Variants in GAS7 observed in about 807,000 individuals in gnomAD.
The protein encoded by GAS7 is growth arrest-specific protein 7.
A neutral mutation model predicts 71.1 loss-of-function variants in GAS7; 28 were observed. The ratio of observed to expected loss-of-function variants is 0.39; its 90% CI spans 0.29 to 0.54. The LOEUF (loss-of-function observed/expected upper bound fraction) is 0.54, where lower values mean the gene tolerates loss of function less well. Among genes scored for constraint, GAS7 ranks in the 20% least tolerant of loss-of-function variants. The pLI is 0.62. For missense variants in GAS7, 436 were observed against 627.8 expected (o/e 0.69, Z 3.27); for synonymous variants, 258 against 245.8 (o/e 1.05, Z -0.46).
At chr17:10,187,100 CACTGTCT>C (rs2074460525) in intron 1 of GAS7, among the ~76,000 whole-genome samples, 1 of 152,136 alleles carries the variant, frequency 6.6e-6, no homozygotes, top group African/African-American at 2.4e-5. Flanking sequence ...TGTATTTTTT[CACTGTCT>C]TAAAGTTAGG....
At chr17:10,087,280 A>G (rs1186445957) in intron 1 of GAS7, among the ~76,000 whole-genome samples, 1 of 152,240 alleles carries the variant, frequency 6.6e-6, no homozygotes, top group Non-Finnish European at 1.5e-5. Context: ...CACAATGACC[A>G]GATCACTGAT....
chr17:10,183,956 C>T (rs2142146197), intron 1 of GAS7, among the ~76,000 whole-genome samples: 1 of 152,272 alleles, frequency 6.6e-6, no homozygotes, highest in East Asian at 1.9e-4. Context: ...CTGCTGCCCC[C>T]ACCTCCCAGG....
intron 1 of GAS7, among the ~76,000 whole-genome samples, chr17:10,196,830 G>A (rs757625598): frequency 1.3e-5 from 2 of 152,170 alleles, no homozygotes; most frequent in African/African-American, 2.4e-5. Flanking sequence ...GAAGCAATAC[G>A]TTCGCTTTCT....
chr17:10,123,696 C>G (rs17687281), intron 1 of GAS7, among the ~76,000 whole-genome samples: 1 of 152,202 alleles, frequency 6.6e-6, no homozygotes, highest in Admixed American at 6.5e-5. Context: ...GCTTGCTCCC[C>G]CAACAAACGT....
rs549889588 is a variant in GAS7 at position 10,016,515 on chromosome 17, G to T, written c.304+3262C>A. ...GAGAGAGCCGAGCACGGTGGCTCATGCCTATAATCTCAGCACTTTGGGAAG... is the reference window on the plus strand; with the variant it reads ...GAGAGAGCCGAGCACGGTGGCTCATTCCTATAATCTCAGCACTTTGGGAAG... On this transcript the variant is annotated intron_variant, in intron 2 of 13. Transcript: ENST00000432992. Among the ~76,000 whole-genome samples, 56 of 146,310 alleles carry T rather than the reference G, an allele frequency of 3.8e-4. 1 individual carries two copies. The highest frequency in any genetic ancestry group is 7.5e-3 in the Middle Eastern group (2 of 266).
intron 1 of GAS7, among the ~76,000 whole-genome samples, chr17:10,156,595 C>G: frequency 6.6e-6 from 1 of 152,174 alleles, no homozygotes; most frequent in Non-Finnish European, 1.5e-5. Flanking sequence ...CACAGGGACT[C>G]CAGGGACCCT....
Position 10,026,116 on chromosome 17 carries a change from C to G in GAS7, c.184-6219G>C, listed in dbSNP as rs748800145. On this transcript the variant is annotated intron_variant, in intron 1 of 13. Transcript: ENST00000432992. The surrounding 1 kb of genome is among the most constrained non-coding windows in gnomAD (Gnocchi z 4.5). ...ACCTCCACCTCCGGGACTCTCTCCC[C>G]CTCCGGAGGTTTCTGAGAACACCTG... 6.9e-5 allele frequency: 67 copies of G among 969,178 alleles called. No homozygotes were observed. The highest frequency in any genetic ancestry group is 2.5e-4 in the Admixed American group (4 of 16,246). The allele number at this position is 969,178 out of a possible 1,614,324, so 60.0% of individuals were successfully genotyped here.
rs886699877 is a variant in GAS7, at chr17:9,918,154, T to TC, written c.1219-56dup. 1.5e-5 allele frequency: 20 copies of TC among 1,293,462 alleles called. No individual in the cohort carries two copies. The Admixed American group carries it at 2.5e-4, about 16-fold the overall frequency. 80.1% of individuals were successfully genotyped at this position (1,293,462 alleles called of 1,614,324 possible). On this transcript the variant is annotated intron_variant, in intron 12 of 13. Transcript: ENST00000432992. The stretch of plus-strand genomic sequence containing the variant: ...TGAGCACGTCCCCTCCACTTGGGGG[T>TC]CCCCCCACCAAGACCACAAAACGCA...
At chr17:9,957,124 C>CA in intron 5 of GAS7, among the ~76,000 whole-genome samples, 1 of 151,674 alleles carries the variant, frequency 6.6e-6, no homozygotes, top group South Asian at 2.1e-4. Flanking sequence ...GTTTCTCTGG[C>CA]AAAAAAATTC....
chr17:10,198,098 G>C, intron 1 of GAS7, 110 bp downstream of exon 1: 1 of 1,036,096 alleles, frequency 9.7e-7, no homozygotes, highest in Non-Finnish European at 1.4e-6. Context: ...CTGCCCCCCG[G>C]GGCGCCCCTC....
In GAS7 at chr17:9,959,084, TC is replaced by T. The variant is rs1205787339; in HGVS notation, c.525+117del. 4 of 1,359,790 alleles carry T rather than the reference TC, an allele frequency of 2.9e-6. No homozygotes were observed. Among genetic ancestry groups the T allele is most frequent in the Admixed American group, 5.1e-5 (2 of 39,296 alleles). The allele number at this position is 1,359,790 out of a possible 1,614,324, so 84.2% of individuals were successfully genotyped here. ...TGAGTGAAATCCGAGCTTTGGAACT[TC>T]CCCGTTTCCAGGTTGGGCATCACTT... On this transcript the variant is annotated intron_variant, in intron 5 of 13. Coordinates refer to ENST00000432992, the MANE Select transcript of GAS7 (RefSeq NM_201433.2). The surrounding 1 kb of genome is among the most constrained non-coding windows in gnomAD (Gnocchi z 5.0).
chr17:10,059,389 C>T (rs1464309039), intron 1 of GAS7, among the ~76,000 whole-genome samples: 2 of 152,200 alleles, frequency 1.3e-5, no homozygotes, highest in Non-Finnish European at 2.9e-5. Context: ...TCAAGAAAAA[C>T]TCACTTCCCA....
chr17:9,920,073 C>G (rs2067749055), intron 11 of GAS7, among the ~76,000 whole-genome samples: 1 of 150,418 alleles, frequency 6.6e-6, no homozygotes, highest in South Asian at 2.1e-4. Flanking sequence ...GCTTCCCTCT[C>G]TAAAGATGGC....
Position 9,967,300 on chromosome 17 carries a change from A to T in GAS7, c.471+2377T>A, listed in dbSNP as rs990199930. ...AAAATGACCCATGATCTTAGACCAAAGGTTCTCAACTTCAGCACGATTCAT... is the reference window on the plus strand; with the variant it reads ...AAAATGACCCATGATCTTAGACCAATGGTTCTCAACTTCAGCACGATTCAT... On this transcript the variant is annotated intron_variant, in intron 4 of 13. Transcript: ENST00000432992. 5.3e-5 allele frequency among the ~76,000 whole-genome samples: 8 copies of T among 152,070 alleles called. 1 individual carries two copies. Among genetic ancestry groups the T allele is most frequent in the African/African-American group, 1.9e-4 (8 of 41,394 alleles).
chr17:9,969,787 G>A lies in GAS7; in HGVS notation c.386-25C>T, dbSNP rs772721663. ...ACTGCAGGGACAGAGACACGGCTCAGATGCTGTGTGGGCCACAGATGGGCA... is the reference window on the plus strand; with the variant it reads ...ACTGCAGGGACAGAGACACGGCTCAAATGCTGTGTGGGCCACAGATGGGCA... On this transcript the variant is annotated intron_variant, in intron 3 of 13. Transcript: ENST00000432992. This position sits in a 1 kb window ranked among gnomAD's most constrained non-coding sequence, Gnocchi z 5.5. 4 of 1,470,484 alleles carry A rather than the reference G, an allele frequency of 2.7e-6. No homozygotes were observed. In the East Asian group the frequency reaches 6.8e-5, roughly 25 times the overall value. 91.1% of individuals were successfully genotyped at this position (1,470,484 alleles called of 1,614,324 possible).
chr17:10,065,082 A>G (rs1408412451), intron 1 of GAS7, among the ~76,000 whole-genome samples: 5 of 152,172 alleles, frequency 3.3e-5, no homozygotes, highest in African/African-American at 9.7e-5. Flanking sequence ...TTGACCTCCC[A>G]AAGAGCTGGG....
Position 9,926,910 on chromosome 17 carries a change from G to A in GAS7, c.886-141C>T, listed in dbSNP as rs569415491. Reference sequence around the variant, plus strand: ...GGGTAGCGACCTGGCAGGAAGGTGAGAGACACCCCCTGACACGTGGCTGCC... The same window carrying A: ...GGGTAGCGACCTGGCAGGAAGGTGAAAGACACCCCCTGACACGTGGCTGCC... On this transcript the variant is annotated intron_variant, in intron 9 of 13. Transcript: ENST00000432992. The surrounding 1 kb of genome is among the most constrained non-coding windows in gnomAD (Gnocchi z 5.0). The A allele has an allele frequency of 8.4e-5, 70 of 832,224 alleles. No homozygotes were observed. The South Asian group carries it at 9.3e-4, about 11-fold the overall frequency. 51.6% of individuals were successfully genotyped at this position (832,224 alleles called of 1,614,324 possible). A position where few individuals can be genotyped will look rare whatever the true frequency, so the allele number is the denominator to read the frequency against.
At chr17:9,976,600 A>C (rs2070214703) in intron 3 of GAS7, among the ~76,000 whole-genome samples, 1 of 152,178 alleles carries the variant, frequency 6.6e-6, no homozygotes, top group Non-Finnish European at 1.5e-5. Flanking sequence ...CCTCAGGCTC[A>C]AAGGAAGGTC....
intron 1 of GAS7, among the ~76,000 whole-genome samples, chr17:10,107,259 A>G (rs1159974451): frequency 6.6e-6 from 1 of 152,234 alleles, no homozygotes; most frequent in Non-Finnish European, 1.5e-5. Context: ...ACATAACACT[A>G]CAAGGTGAAG....
Sources: allele counts gnomAD v4.1 joint callset (sites outside exome capture counted in the v4.1 genomes callset), GRCh38; gene constraint gnomAD v4.1.1; non-coding constraint Gnocchi (gnomAD v3.1); transcripts MANE v1.5; gene names NCBI Gene and HGNC (gene_info 2026-07-23, HGNC 2026-07-21).